The following PTPRK variants were observed in gnomAD, a reference collection of about 807,000 sequenced individuals.
The protein encoded by PTPRK is receptor-type tyrosine-protein phosphatase kappa.
PTPRK carries 75 observed loss-of-function variants against 178.0 expected under a neutral mutation model. The observed-to-expected ratio is 0.42, with a 90% CI of 0.35 to 0.51. The LOEUF (loss-of-function observed/expected upper bound fraction) is 0.51, where lower values mean the gene tolerates loss of function less well. PTPRK is among the 20% of genes least tolerant of loss of function. The pLI is 0.02. For missense variants in PTPRK, 1,441 were observed against 1,797.8 expected (o/e 0.80, Z 3.59); for synonymous variants, 637 against 620.6 (o/e 1.03, Z -0.39).
At chr6:128,114,086 C>A (rs1791103263) in intron 7 of PTPRK, among the ~76,000 whole-genome samples, 1 of 152,012 alleles carries the variant, frequency 6.6e-6, no homozygotes, top group Non-Finnish European at 1.5e-5. Flanking sequence ...GAGTTGATTA[C>A]TTAGAGGTTT....
intron 13 of PTPRK, among the ~76,000 whole-genome samples, chr6:128,033,906 A>C (rs987350247): frequency 6.6e-6 from 1 of 152,132 alleles, no homozygotes; most frequent in African/African-American, 2.4e-5. Context: ...GAATTTCACA[A>C]GTCAGGAATA....
intron 13 of PTPRK, among the ~76,000 whole-genome samples, chr6:128,031,418 T>A (rs1471987861): frequency 1.3e-5 from 2 of 152,242 alleles, no homozygotes; most frequent in Non-Finnish European, 2.9e-5. Context: ...ACAAATTGCA[T>A]GACACTAATG....
intron 7 of PTPRK, among the ~76,000 whole-genome samples, chr6:128,162,474 T>A (rs1469893929): frequency 6.6e-6 from 1 of 151,672 alleles, no homozygotes; most frequent in Non-Finnish European, 1.5e-5. Context: ...TCCTTAAAAC[T>A]GTCTTAACAC....
At chr6:128,040,087 A>G (rs1474987024) in intron 13 of PTPRK, among the ~76,000 whole-genome samples, 1 of 152,168 alleles carries the variant, frequency 6.6e-6, no homozygotes, top group Non-Finnish European at 1.5e-5. Context: ...CCTGAATTAG[A>G]TAAGGCGAAA....
At chr6:128,120,071 T>C (rs933095827) in intron 7 of PTPRK, among the ~76,000 whole-genome samples, 2 of 151,968 alleles carry the variant, frequency 1.3e-5, no homozygotes, top group Non-Finnish European at 2.9e-5. Flanking sequence ...CTGAAAGAAA[T>C]GTTGTTAACT....
intron 7 of PTPRK, among the ~76,000 whole-genome samples, chr6:128,151,606 A>C (rs1797258533): frequency 6.6e-6 from 1 of 152,108 alleles, no homozygotes; most frequent in South Asian, 2.1e-4. Flanking sequence ...ATTTGTCAGA[A>C]GGTAGCATAA....
chr6:128,298,803 C>G (rs1013730104), intron 3 of PTPRK, among the ~76,000 whole-genome samples: 2 of 152,074 alleles, frequency 1.3e-5, no homozygotes, highest in African/African-American at 4.8e-5. Context: ...CCTTTGAAAA[C>G]TGGCACAAGA....
intron 1 of PTPRK, among the ~76,000 whole-genome samples, chr6:128,413,387 G>GA (rs903412241): frequency 9.8e-4 from 143 of 145,544 alleles, no homozygotes; most frequent in Middle Eastern, 7.0e-3. Flanking sequence ...TATTTAAAAT[G>GA]AAAAAAAAAA....
intron 2 of PTPRK, among the ~76,000 whole-genome samples, chr6:128,393,143 G>A (rs1839840541): frequency 6.9e-6 from 1 of 145,346 alleles, no homozygotes; most frequent in Non-Finnish European, 1.5e-5. Flanking sequence ...CCAGGCTGCA[G>A]TGCAGTGGCC....
intron 15 of PTPRK, chr6:128,003,301 A>G (rs1023925067): frequency 1.5e-6 from 2 of 1,329,252 alleles, no homozygotes; most frequent in African/African-American, 2.9e-5. Flanking sequence ...TTTTTTCTTT[A>G]AAATAGATTT....
At chr6:128,124,546 G>T (rs1793019314) in intron 7 of PTPRK, among the ~76,000 whole-genome samples, 1 of 151,970 alleles carries the variant, frequency 6.6e-6, no homozygotes, top group Non-Finnish European at 1.5e-5. Context: ...CAGTATCATT[G>T]TTTCATGGCC....
chr6:128,374,896 T>G (rs1272026577), intron 2 of PTPRK, among the ~76,000 whole-genome samples: 1 of 152,118 alleles, frequency 6.6e-6, no homozygotes, highest in East Asian at 1.9e-4. Context: ...TTAAACCAAA[T>G]TGGTCATCTT....
At chr6:128,211,730 G>A (rs1808219287) in intron 6 of PTPRK, among the ~76,000 whole-genome samples, 1 of 152,008 alleles carries the variant, frequency 6.6e-6, no homozygotes, top group African/African-American at 2.4e-5. Context: ...TATGCTAACT[G>A]CAAGACTAAA....
At chr6:128,493,588 CCCTACACA>C (rs1376658774) in intron 1 of PTPRK, among the ~76,000 whole-genome samples, 31 of 113,340 alleles carry the variant, frequency 2.7e-4, no homozygotes, top group African/African-American at 1.1e-3. Context: ...ACCTCCCGCC[CCCTACACA>C]CACACACACA....
chr6:128,310,653 G>A (rs1009625851), intron 3 of PTPRK, among the ~76,000 whole-genome samples: 2 of 152,134 alleles, frequency 1.3e-5, no homozygotes, highest in South Asian at 4.1e-4. Context: ...ACCGCAAAAA[G>A]GAACTCTCAA....
intron 6 of PTPRK, among the ~76,000 whole-genome samples, chr6:128,204,228 A>T (rs1267379931): frequency 6.6e-6 from 1 of 152,232 alleles, no homozygotes; most frequent in Non-Finnish European, 1.5e-5. Flanking sequence ...CAAATGCAGA[A>T]AATTGAAACT....
At chr6:128,037,028 C>T (rs890098244) in intron 13 of PTPRK, among the ~76,000 whole-genome samples, 15 of 152,046 alleles carry the variant, frequency 9.9e-5, no homozygotes, top group African/African-American at 3.1e-4. Flanking sequence ...CGCCGCTCCC[C>T]GCCCTCCCTA....
intron 1 of PTPRK, among the ~76,000 whole-genome samples, chr6:128,511,695 G>T (rs958196266): frequency 6.6e-6 from 1 of 152,040 alleles, no homozygotes; most frequent in Non-Finnish European, 1.5e-5. Flanking sequence ...AACCAGTCTG[G>T]GTTACATTTT....
At chr6:128,177,357 A>C (rs1200566610) in intron 7 of PTPRK, among the ~76,000 whole-genome samples, 1 of 151,820 alleles carries the variant, frequency 6.6e-6, no homozygotes, top group Non-Finnish European at 1.5e-5. Flanking sequence ...AGAACATTTC[A>C]TGAGACTGAT....
Sources: gnomAD v4.1 joint callset for allele counts (sites outside exome capture counted in the v4.1 genomes callset) on GRCh38, gnomAD v4.1.1 for gene constraint, MANE v1.5 for transcripts, NCBI Gene and HGNC (gene_info 2026-07-23, HGNC 2026-07-21) for gene names.